Variants in QKI observed in about 807,000 individuals in gnomAD.
QKI encodes QKI, KH domain containing RNA binding.
Under a neutral mutation model 39.0 loss-of-function variants are expected in QKI, and 10 were observed. That is an observed-to-expected ratio of 0.26 (90% CI 0.16 to 0.43). QKI has a LOEUF of 0.43. Among genes scored for constraint, QKI ranks in the 20% least tolerant of loss-of-function variants. The pLI, the probability that QKI is intolerant of heterozygous loss-of-function variation, is 1.00. For missense variants in QKI, 218 were observed against 428.0 expected, an observed-to-expected ratio of 0.51 and a Z score of 4.33; for synonymous variants, 204 against 155.4, an observed-to-expected ratio of 1.31 and a Z score of -2.33.
intron 1 of QKI, chr6:163,416,605 G>C (rs1387189496): frequency 6.6e-6 from 1 of 152,204 alleles, no homozygotes; most frequent in Non-Finnish European, 1.5e-5. Flanking sequence ...AGAACAAAAG[G>C]CCGGAAATGT....
intron 3 of QKI, among the ~76,000 whole-genome samples, chr6:163,532,550 T>C (rs1210581937): frequency 6.6e-6 from 1 of 152,238 alleles, no homozygotes; most frequent in Non-Finnish European, 1.5e-5. Flanking sequence ...ACTTTTAAAA[T>C]GTATTTAGTT....
intron 3 of QKI, among the ~76,000 whole-genome samples, chr6:163,494,536 A>G (rs1187988661): frequency 6.6e-6 from 1 of 152,184 alleles, no homozygotes; most frequent in Non-Finnish European, 1.5e-5. Flanking sequence ...GAGTCACCCA[A>G]ATGCTCTTTT....
chr6:163,471,090 A>G (rs895668609), intron 2 of QKI, among the ~76,000 whole-genome samples: 3 of 152,178 alleles, frequency 2.0e-5, no homozygotes, highest in Non-Finnish European at 4.4e-5. Context: ...CACCTTGGCA[A>G]GTGATAATAA....
At chr6:163,552,977 CTTAGTTTTT>C (rs1408140315) in intron 4 of QKI, among the ~76,000 whole-genome samples, 2 of 151,556 alleles carry the variant, frequency 1.3e-5, no homozygotes, top group African/African-American at 4.8e-5. Flanking sequence ...GTATACTTTT[CTTAGTTTTT>C]GCCTCTCTGT....
At chr6:163,514,447 G>A (rs1409928722) in intron 3 of QKI, among the ~76,000 whole-genome samples, 1 of 151,920 alleles carries the variant, frequency 6.6e-6, no homozygotes, top group Non-Finnish European at 1.5e-5. Context: ...TTTTCTGGTG[G>A]AATTTAATGA....
chr6:163,443,311 C>T (rs1040939057), intron 1 of QKI, among the ~76,000 whole-genome samples: 1 of 152,368 alleles, frequency 6.6e-6, no homozygotes, highest in South Asian at 2.1e-4. Context: ...TGGCTCACGC[C>T]TGTAATCCCA....
At chr6:163,534,836 C>A in intron 3 of QKI, 146 bp from the exon 4 acceptor site, 2 of 619,106 alleles carry the variant, frequency 3.2e-6, no homozygotes, top group South Asian at 3.8e-5. Flanking sequence ...ACTTTGAGGA[C>A]CCAGAAAAAT....
chr6:163,505,667 A>C (rs951173973), intron 3 of QKI, among the ~76,000 whole-genome samples: 1 of 152,084 alleles, frequency 6.6e-6, no homozygotes, highest in African/African-American at 2.4e-5. Context: ...ATGCCTGTAC[A>C]CCCATTCTAT....
chr6:163,540,516 CTTCT>C (rs763770210), intron 4 of QKI, among the ~76,000 whole-genome samples: 5 of 152,104 alleles, frequency 3.3e-5, no homozygotes, highest in Admixed American at 1.3e-4. Context: ...ATCTGGTAGA[CTTCT>C]TTGTTTTTTA....
intron 3 of QKI, among the ~76,000 whole-genome samples, chr6:163,502,672 T>C (rs1278771394): frequency 6.6e-6 from 1 of 152,220 alleles, no homozygotes; most frequent in Non-Finnish European, 1.5e-5. Context: ...ATTTTATACA[T>C]GAACTCACTA....
At chr6:163,519,673 C>T (rs1780032556) in intron 3 of QKI, among the ~76,000 whole-genome samples, 1 of 151,600 alleles carries the variant, frequency 6.6e-6, no homozygotes, top group African/African-American at 2.4e-5. Context: ...CCTGAGGTGT[C>T]TATGGTCGTT....
At chr6:163,482,122 A>G (rs1793117722) in intron 3 of QKI, among the ~76,000 whole-genome samples, 2 of 152,064 alleles carry the variant, frequency 1.3e-5, no homozygotes, top group South Asian at 2.1e-4. Context: ...AGTTGAGGCA[A>G]CAGTGAGCTA....
intron 2 of QKI, among the ~76,000 whole-genome samples, chr6:163,457,936 C>A (rs1791048497): frequency 6.6e-6 from 1 of 152,004 alleles, no homozygotes; most frequent in Non-Finnish European, 1.5e-5. Flanking sequence ...GGGAAGAAAT[C>A]TGTTACAATA....
intron 2 of QKI, among the ~76,000 whole-genome samples, chr6:163,464,407 T>C (rs1791573977): frequency 6.6e-6 from 1 of 151,858 alleles, no homozygotes; most frequent in African/African-American, 2.4e-5. Context: ...AACAGAAAAG[T>C]TCAACAAAAC....
intron 2 of QKI, among the ~76,000 whole-genome samples, chr6:163,470,028 T>C (rs1792065980): frequency 6.6e-6 from 1 of 151,848 alleles, no homozygotes; most frequent in African/African-American, 2.4e-5. Context: ...TAGGATACAA[T>C]AGGAAAAAAA....
At position 163,561,892 on chromosome 6, in the gene QKI, G is replaced by T; in HGVS notation, c.547-90G>T. On this transcript the variant is annotated intron_variant, in intron 4 of 7. Transcript: ENST00000361752. ...TTAAAACAGGTGACTGTAGTCACAT[G>T]ATACTTACTTTAAGGCTTGTGTGTA... 3.1e-6 allele frequency: 3 copies of T among 961,230 alleles called. No homozygotes were observed. In the South Asian group the frequency reaches 5.1e-5, roughly 16 times the overall value. The allele number at this position is 961,230 out of a possible 1,614,324, so 59.5% of individuals were successfully genotyped here.
At chr6:163,508,248 A>C (rs1051181499) in intron 3 of QKI, among the ~76,000 whole-genome samples, 5 of 152,180 alleles carry the variant, frequency 3.3e-5, no homozygotes, top group African/African-American at 1.2e-4. Flanking sequence ...AATCTCACAA[A>C]TTTGATGAAA....
intron 3 of QKI, among the ~76,000 whole-genome samples, chr6:163,484,487 C>T (rs1793322606): frequency 6.6e-6 from 1 of 152,176 alleles, no homozygotes; most frequent in South Asian, 2.1e-4. Flanking sequence ...AGGTGTGAGC[C>T]ACTGCACCTG....
chr6:163,442,103 G>C (rs1789803942), intron 1 of QKI, among the ~76,000 whole-genome samples: 1 of 152,162 alleles, frequency 6.6e-6, no homozygotes, highest in Admixed American at 6.5e-5. Context: ...GAGGCTGCGT[G>C]CTATGTGATA....
Sources: gnomAD v4.1 joint callset for allele counts (sites outside exome capture counted in the v4.1 genomes callset) on GRCh38, gnomAD v4.1.1 for gene constraint, MANE v1.5 for transcripts, NCBI Gene and HGNC (gene_info 2026-07-23, HGNC 2026-07-21) for gene names.